Variants in FHIP1A observed in about 807,000 individuals in gnomAD.
FHIP1A encodes FHF complex subunit HOOK-interacting protein 1A.
In FHIP1A, 61 loss-of-function variants were observed where a neutral mutation model predicts 88.6. The observed-to-expected ratio is 0.69, with a 90% confidence interval of 0.56 to 0.85. The LOEUF (loss-of-function observed/expected upper bound fraction) is 0.85, where lower values mean the gene tolerates loss of function less well. FHIP1A is among the 40% of genes least tolerant of loss of function. The pLI is 0.00. For synonymous variants in FHIP1A, 478 were observed against 496.0 expected (o/e 0.96, Z 0.48); for missense variants, 1,154 against 1,273.5 (o/e 0.91, Z 1.43).
chr4:151,449,507 A>G (rs994687396), intron 1 of FHIP1A, among the ~76,000 whole-genome samples: 1 of 152,128 alleles, frequency 6.6e-6, no homozygotes. Context: ...TCATCACCTC[A>G]TGCATTTATC....
At chr4:151,521,797 T>C (rs1232654251) in intron 3 of FHIP1A, among the ~76,000 whole-genome samples, 1 of 152,146 alleles carries the variant, frequency 6.6e-6, no homozygotes, top group African/African-American at 2.4e-5. Context: ...TGATCACAGC[T>C]CACTGCAGCC....
chr4:151,560,764 G>A (rs1733143937), intron 3 of FHIP1A, among the ~76,000 whole-genome samples: 1 of 152,046 alleles, frequency 6.6e-6, no homozygotes, highest in African/African-American at 2.4e-5. Flanking sequence ...AAACTTTTCT[G>A]TTCAATCGCC....
chr4:151,642,842 CAGGG>C (rs1736640734), intron 9 of FHIP1A, among the ~76,000 whole-genome samples: 1 of 151,176 alleles, frequency 6.6e-6, no homozygotes, highest in African/African-American at 2.4e-5. Context: ...TAGTGAAAAT[CAGGG>C]AGGACAATAT....
At chr4:151,644,643 T>C (rs1244835472) in intron 9 of FHIP1A, among the ~76,000 whole-genome samples, 2 of 152,150 alleles carry the variant, frequency 1.3e-5, no homozygotes, top group Non-Finnish European at 2.9e-5. Context: ...TGAGGCACAG[T>C]ACCCCACCCC....
intron 3 of FHIP1A, among the ~76,000 whole-genome samples, chr4:151,504,026 T>C (rs754400668): frequency 2.6e-5 from 4 of 152,252 alleles, no homozygotes; most frequent in Non-Finnish European, 5.9e-5. Context: ...TGGTCATATT[T>C]GTACAAACAA....
chr4:151,593,216 T>C (rs1734507561), intron 7 of FHIP1A, among the ~76,000 whole-genome samples: 1 of 152,232 alleles, frequency 6.6e-6, no homozygotes, highest in Non-Finnish European at 1.5e-5. Flanking sequence ...AGCTTTGTTC[T>C]TTTTGCTTAG....
intron 3 of FHIP1A, among the ~76,000 whole-genome samples, chr4:151,516,632 G>T (rs528050583): frequency 1.3e-5 from 2 of 152,258 alleles, no homozygotes; most frequent in South Asian, 2.1e-4. Flanking sequence ...CCATCAAAAA[G>T]TGGGCAAAGG....
chr4:151,458,845 A>G (rs1328198796), intron 2 of FHIP1A, among the ~76,000 whole-genome samples: 3 of 152,120 alleles, frequency 2.0e-5, no homozygotes, highest in Non-Finnish European at 4.4e-5. Flanking sequence ...TCTTGGGCAT[A>G]GTGGATCTCT....
chr4:151,523,506 G>GT (rs565360493), intron 3 of FHIP1A, among the ~76,000 whole-genome samples: 90 of 151,346 alleles, frequency 5.9e-4, no homozygotes, highest in Non-Finnish European at 3.4e-4. Flanking sequence ...TTTGTTCTCT[G>GT]TTTTTTTTTC....
intron 7 of FHIP1A, among the ~76,000 whole-genome samples, chr4:151,595,728 A>G (rs906376795): frequency 6.6e-6 from 1 of 152,168 alleles, no homozygotes; most frequent in African/African-American, 2.4e-5. Context: ...GTGCATATAT[A>G]TTTAGGATAG....
At chr4:151,448,514 A>G (rs999585119) in intron 1 of FHIP1A, among the ~76,000 whole-genome samples, 8 of 152,098 alleles carry the variant, frequency 5.3e-5, no homozygotes, top group African/African-American at 1.9e-4. Context: ...CTACTTCTCC[A>G]TGAATTAGAC....
At chr4:151,480,294 T>G (rs1729848635) in intron 2 of FHIP1A, among the ~76,000 whole-genome samples, 1 of 152,092 alleles carries the variant, frequency 6.6e-6, no homozygotes, top group African/African-American at 2.4e-5. Context: ...CAGCAATGCC[T>G]TATTACCTAA....
chr4:151,563,622 T>A (rs147601927), intron 3 of FHIP1A, among the ~76,000 whole-genome samples: 210 of 152,302 alleles, frequency 1.4e-3, no homozygotes, highest in African/African-American at 4.9e-3. Context: ...TTTGCCTCCA[T>A]TCTGTCCTCT....
chr4:151,586,987 A>C (rs1430398006), intron 6 of FHIP1A, among the ~76,000 whole-genome samples, 188 bp downstream of exon 6: 1 of 152,170 alleles, frequency 6.6e-6, no homozygotes, highest in Non-Finnish European at 1.5e-5. Context: ...GGAAGTTTTA[A>C]CTGAGAAAAA....
At chr4:151,464,391 G>A (rs1729237648) in intron 2 of FHIP1A, among the ~76,000 whole-genome samples, 1 of 152,160 alleles carries the variant, frequency 6.6e-6, no homozygotes, top group African/African-American at 2.4e-5. Context: ...GGTTTAGAGA[G>A]GAACACAGAT....
At chr4:151,578,539 G>T (rs1322471619) in intron 5 of FHIP1A, among the ~76,000 whole-genome samples, 1 of 152,130 alleles carries the variant, frequency 6.6e-6, no homozygotes, top group Non-Finnish European at 1.5e-5. Flanking sequence ...TAGGAACATG[G>T]GGGGGTGGAG....
rs116667484 is a variant in FHIP1A, at chr4:151,474,279, T to C, written c.-247-8245T>C. 9.8e-3 allele frequency among the ~76,000 whole-genome samples: 1,487 copies of C among 152,312 alleles called. 21 individuals are homozygous for C. The highest frequency in any genetic ancestry group is 0.034 in the African/African-American group (1,408 of 41,578). On this transcript the variant is annotated intron_variant, in intron 2 of 13. Transcript: ENST00000435205. Reference sequence around the variant, plus strand: ...GGGCCTTGCTTTTGAAATTCACAGGTTCAAAACATTTAGTTATGCCTCACT... The same window carrying C: ...GGGCCTTGCTTTTGAAATTCACAGGCTCAAAACATTTAGTTATGCCTCACT...
At chr4:151,616,441 T>C (rs1217896034) in intron 7 of FHIP1A, among the ~76,000 whole-genome samples, 2 of 145,096 alleles carry the variant, frequency 1.4e-5, no homozygotes, top group Non-Finnish European at 3.0e-5. Context: ...TCTTTCTTTC[T>C]TTCTTTTTTT....
At chr4:151,457,064 T>A (rs1728992083) in intron 2 of FHIP1A, among the ~76,000 whole-genome samples, 1 of 152,080 alleles carries the variant, frequency 6.6e-6, no homozygotes, top group Non-Finnish European at 1.5e-5. Context: ...AATTAGAGAG[T>A]TATAGTTGTT....
Sources: allele counts gnomAD v4.1 joint callset (sites outside exome capture counted in the v4.1 genomes callset), GRCh38; gene constraint gnomAD v4.1.1; transcripts MANE v1.5; gene names NCBI Gene and HGNC (gene_info 2026-07-23, HGNC 2026-07-21).